Variants in GABBR1 observed in about 807,000 individuals in gnomAD.
GABBR1 encodes GABA-B receptor, R1 subunit.
A neutral mutation model predicts 117.7 loss-of-function variants in GABBR1; 35 were observed. The observed-to-expected ratio is 0.30, with a 90% CI of 0.23 to 0.39. GABBR1 has a LOEUF of 0.39. Ranked by LOEUF, GABBR1 falls within the 10% of genes least tolerant of loss-of-function variation. The probability of loss-of-function intolerance (pLI) is 1.00; values close to 1 mark genes in which losing one functional copy is unlikely to be tolerated. For synonymous variants in GABBR1, 442 were observed against 486.6 expected, an observed-to-expected ratio of 0.91 and a Z score of 1.21; for missense variants, 709 against 1,241.8, an observed-to-expected ratio of 0.57 and a Z score of 6.45.
chr6:29,622,449 C>T lies in GABBR1; in HGVS notation c.964-244G>A, dbSNP rs917440794. On this transcript the variant is annotated intron_variant, in intron 8 of 22. Transcript: ENST00000377034. The surrounding 1 kb of genome is among the most constrained non-coding windows in gnomAD (Gnocchi z 4.6). ...CTGCTGAGGCTCTGTGTGGGGGAAGCCACTCCATTCACCCACTCCTACCAC... is the reference window on the plus strand; with the variant it reads ...CTGCTGAGGCTCTGTGTGGGGGAAGTCACTCCATTCACCCACTCCTACCAC... 1.6e-4 allele frequency: 85 copies of T among 528,272 alleles called. No homozygotes were observed. Among genetic ancestry groups the T allele is most frequent in the African/African-American group, 1.4e-3 (73 of 52,996 alleles). The allele number at this position is 528,272 out of a possible 1,614,324, so 32.7% of individuals were successfully genotyped here.
In GABBR1 at chr6:29,627,639, G is replaced by T. The variant is rs1049475813; in HGVS notation, c.504C>A (p.Arg168=). 19 of 1,551,780 alleles carry T rather than the reference G, an allele frequency of 1.2e-5. No homozygotes were observed. The highest frequency in any genetic ancestry group is 1.6e-5 in the Non-Finnish European group (19 of 1,152,640). The change falls in exon 6 of 23, where the codon CGC becomes CGA. Residue 168 remains arginine, a synonymous_variant. Transcript: ENST00000377034. The surrounding 1 kb of genome is among the most constrained non-coding windows in gnomAD (Gnocchi z 4.4). ...QVNRTPHSER[R]AVYIGALFPM... Reference sequence around the variant, plus strand: ...GAAACAGTGCCCCGATGTACACTGCGCGCCGTTCTGAGGAGGGGTGCGGGG... The same window carrying T: ...GAAACAGTGCCCCGATGTACACTGCTCGCCGTTCTGAGGAGGGGTGCGGGG...
At position 29,607,936 on chromosome 6, in the gene GABBR1, C is replaced by CTGCATG. The variant is rs1463811430; in HGVS notation, c.1992+659_1992+664dup. Among the ~76,000 whole-genome samples the CTGCATG allele has an allele frequency of 6.6e-6, 1 of 152,244 alleles. No individual in the cohort carries two copies. Among genetic ancestry groups the CTGCATG allele is most frequent in the African/African-American group, 2.4e-5 (1 of 41,476 alleles). On this transcript the variant is annotated intron_variant, in intron 16 of 22. Transcript: ENST00000377034. The surrounding 1 kb of genome is among the most constrained non-coding windows in gnomAD (Gnocchi z 5.0). ...CTGGGAACAGAGGATTCCTGATGAA[C>CTGCATG]TGCATGTGCATGTGCATGGAAATGC...
At position 29,613,313 on chromosome 6, in the gene GABBR1, T is replaced by C. The variant is rs777984483; in HGVS notation, c.1496A>G (p.Asn499Ser). 1 of 1,613,094 alleles carries C rather than the reference T, an allele frequency of 6.2e-7. No homozygotes were observed. Among genetic ancestry groups the C allele is most frequent in the Non-Finnish European group, 8.5e-7 (1 of 1,180,016 alleles). ...GRSGVRLEDF[N>S]YNNQTITDQI... is the part of the protein sequence containing the mutation. ...GTCGGTAATGGTCTGGTTGTTGTAGTTGAAGTCCTCCAGGCGCACACCAGA... is the reference window on the plus strand; with the variant it reads ...GTCGGTAATGGTCTGGTTGTTGTAGCTGAAGTCCTCCAGGCGCACACCAGA... Residue 499 changes from asparagine to serine, a missense_variant, in exon 12 of 23, where the codon AAC (asparagine) becomes AGC (serine). Asn to Ser is a conservative substitution (Grantham distance 46, BLOSUM62 1). Coordinates refer to ENST00000377034, the MANE Select transcript of GABBR1 (RefSeq NM_001470.4). The surrounding 1 kb of genome is among the most constrained non-coding windows in gnomAD (Gnocchi z 4.1).
chr6:29,626,626 G>C (rs1339682503), intron 6 of GABBR1, among the ~76,000 whole-genome samples: 2 of 151,780 alleles, frequency 1.3e-5, no homozygotes, highest in Non-Finnish European at 2.9e-5. Context: ...TCACATCCTA[G>C]AGGCCACAAT....
chr6:29,629,280 AG>A, intron 4 of GABBR1, 173 bp from the exon 5 acceptor site: 2 of 733,694 alleles, frequency 2.7e-6, no homozygotes, highest in South Asian at 2.9e-5. Flanking sequence ...TCTGGGGGTA[AG>A]GGGGTCAGGA....
rs187069384 is a variant in GABBR1 at position 29,613,765 on chromosome 6, G to T, written c.1324-280C>A. ...ACAGAGAATTTTGACAAACACTCTGGATAATTAGTGGCAAAGGATGGAAGG... is the reference window on the plus strand; with the variant it reads ...ACAGAGAATTTTGACAAACACTCTGTATAATTAGTGGCAAAGGATGGAAGG... On this transcript the variant is annotated intron_variant, in intron 11 of 22. Transcript: ENST00000377034. This position sits in a 1 kb window ranked among gnomAD's most constrained non-coding sequence, Gnocchi z 4.1. Among the ~76,000 whole-genome samples, 52 of 152,330 alleles carry T rather than the reference G, an allele frequency of 3.4e-4. No homozygotes were observed. The highest frequency in any genetic ancestry group is 1.2e-3 in the African/African-American group (49 of 41,566).
In GABBR1 at chr6:29,631,235, C is replaced by G. The variant is rs950874862; in HGVS notation, c.289+161G>C. Among the ~76,000 whole-genome samples, 1 of 152,204 alleles carries G rather than the reference C, an allele frequency of 6.6e-6. No individual in the cohort carries two copies. Among genetic ancestry groups the G allele is most frequent in the Non-Finnish European group, 1.5e-5 (1 of 68,038 alleles). On this transcript the variant is annotated intron_variant, in intron 3 of 22. Coordinates refer to ENST00000377034, the MANE Select transcript of GABBR1 (RefSeq NM_001470.4). This position sits in a 1 kb window ranked among gnomAD's most constrained non-coding sequence, Gnocchi z 5.9. ...GGCTGCTAGCTCTACTACCTCCAAC[C>G]GCACAGAGCAAAATTGCTCTTATGT...
At chr6:29,617,589 C>T (rs1244824721) in intron 11 of GABBR1, among the ~76,000 whole-genome samples, 1 of 152,086 alleles carries the variant, frequency 6.6e-6, no homozygotes, top group African/African-American at 2.4e-5. Context: ...CGTGAGCCAC[C>T]GCGCCCAGCC....
rs1186428201 is a variant in GABBR1 at position 29,631,606 on chromosome 6, G to A, written c.86-7C>T. The A allele has an allele frequency of 1.2e-6, 2 of 1,613,598 alleles. No homozygotes were observed. The highest frequency in any genetic ancestry group is 1.7e-6 in the Non-Finnish European group (2 of 1,179,524). On this transcript the variant is annotated splice_polypyrimidine_tract_variant and splice_region_variant and intron_variant, in intron 2 of 22. Coordinates refer to ENST00000377034, the MANE Select transcript of GABBR1 (RefSeq NM_001470.4). This position sits in a 1 kb window ranked among gnomAD's most constrained non-coding sequence, Gnocchi z 5.9. ...GGGTGTATGATCTGGCAACCTAAGG[G>A]GTGAGTCGGGGAGGCATACAGAGAG...
chr6:29,621,494 C>G lies in GABBR1; in HGVS notation c.1132-202G>C, dbSNP rs1249925416. On this transcript the variant is annotated intron_variant, in intron 10 of 22. Coordinates refer to ENST00000377034, the MANE Select transcript of GABBR1 (RefSeq NM_001470.4). This position sits in a 1 kb window ranked among gnomAD's most constrained non-coding sequence, Gnocchi z 5.0. ...CCCCAGCCCCTGTATTTCTGAGTGG[C>G]CTTTTCCAGCCAGTCAGGACAGATG... Among the ~76,000 whole-genome samples the G allele has an allele frequency of 6.6e-6, 1 of 152,144 alleles. No individual in the cohort carries two copies. Among genetic ancestry groups the G allele is most frequent in the Non-Finnish European group, 1.5e-5 (1 of 68,012 alleles).
rs75010677 is a variant in GABBR1 at position 29,613,646 on chromosome 6, T to C, written c.1324-161A>G. On this transcript the variant is annotated intron_variant, in intron 11 of 22. Coordinates refer to ENST00000377034, the MANE Select transcript of GABBR1 (RefSeq NM_001470.4). This position sits in a 1 kb window ranked among gnomAD's most constrained non-coding sequence, Gnocchi z 4.1. ...CATTCAAAATCTTTAACTATACCCA[T>C]GTGTCTGCCTTAGATCGGAAGCTAC... Among the ~76,000 whole-genome samples, 1 of 152,238 alleles carries C rather than the reference T, an allele frequency of 6.6e-6. No homozygotes were observed. The highest frequency in any genetic ancestry group is 1.5e-5 in the Non-Finnish European group (1 of 68,042).
In GABBR1 at chr6:29,632,804, C is replaced by T; in HGVS notation, c.-1+46G>A. 1 of 708,042 alleles carries T rather than the reference C, an allele frequency of 1.4e-6. No homozygotes were observed. Among genetic ancestry groups the T allele is most frequent in the Non-Finnish European group, 1.9e-6 (1 of 530,718 alleles). 43.9% of individuals were successfully genotyped at this position (708,042 alleles called of 1,614,324 possible). A position where few individuals can be genotyped will look rare whatever the true frequency, so the allele number is the denominator to read the frequency against. On this transcript the variant is annotated intron_variant, in intron 1 of 22. Coordinates refer to ENST00000377034, the MANE Select transcript of GABBR1 (RefSeq NM_001470.4). The surrounding 1 kb of genome is among the most constrained non-coding windows in gnomAD (Gnocchi z 5.8). ...CACTGCCCCCTCCCCCACCACGCCG[C>T]GCGCCCCCTCTCCGAGCCCTGCTAA...
intron 6 of GABBR1, among the ~76,000 whole-genome samples, chr6:29,626,473 ACCC>A (rs1000627365): frequency 6.6e-6 from 1 of 151,504 alleles, no homozygotes; most frequent in African/African-American, 2.4e-5. Flanking sequence ...CCTTCCCTGC[ACCC>A]CCAATTATTC....
chr6:29,612,779 C>A (rs1173394172), intron 12 of GABBR1, among the ~76,000 whole-genome samples, 165 bp from the exon 13 acceptor site: 3 of 152,130 alleles, frequency 2.0e-5, no homozygotes, highest in Non-Finnish European at 4.4e-5. Context: ...ATGCCCATAC[C>A]CTAGATTTTA....
At chr6:29,617,611 T>C (rs1245260292) in intron 11 of GABBR1, among the ~76,000 whole-genome samples, 2 of 152,234 alleles carry the variant, frequency 1.3e-5, no homozygotes, top group Admixed American at 6.5e-5. Context: ...CAAGTCCATA[T>C]TTCTAACTGA....
rs1761462922 is a variant in GABBR1 at position 29,602,475 on chromosome 6, G to A, written c.*1068C>T. The A allele has an allele frequency of 1.3e-5, 2 of 156,874 alleles. No homozygotes were observed. The highest frequency in any genetic ancestry group is 6.8e-3 in the Middle Eastern group (2 of 294). The allele number at this position is 156,874 out of a possible 1,614,324, so 9.7% of individuals were successfully genotyped here. A position where few individuals can be genotyped will look rare whatever the true frequency, so the allele number is the denominator to read the frequency against. The stretch of plus-strand genomic sequence containing the variant: ...ACAAAACAAAAGGGAGCAGTCTTGG[G>A]AGAAGATGATTGTGAGTGTAGACTG... On this transcript the variant is annotated 3_prime_UTR_variant, in exon 23 of 23. Coordinates refer to ENST00000377034, the MANE Select transcript of GABBR1 (RefSeq NM_001470.4).
Position 29,603,610 on chromosome 6 carries a change from C to A in GABBR1, c.2819G>T (p.Arg940Met). 2 of 1,574,706 alleles carry A rather than the reference C, an allele frequency of 1.3e-6. No individual in the cohort carries two copies. Among genetic ancestry groups the A allele is most frequent in the East Asian group, 2.2e-5 (1 of 44,510 alleles). ...CCGGTCGGGGGGCTCAGGGGGTCCC[C>A]TGGGCAGGCCCCCAGAGGGTTCTGG... ...TPPEPSGGLP[R>M]GPPEPPDRLS... Residue 940 changes from arginine to methionine, a missense_variant, in exon 23 of 23, where the codon AGG (arginine) becomes ATG (methionine). This residue lies in a region of GABBR1 where 69 missense variants were observed against 64.3 expected (regional missense o/e 1.07). Coordinates refer to ENST00000377034, the MANE Select transcript of GABBR1 (RefSeq NM_001470.4).
intron 11 of GABBR1, among the ~76,000 whole-genome samples, chr6:29,616,094 C>T (rs541245515): frequency 6.6e-6 from 1 of 151,808 alleles, no homozygotes; most frequent in African/African-American, 2.4e-5. Context: ...CCAGCTACTC[C>T]GGAGGCTGAG....
Position 29,606,325 on chromosome 6 carries a change from C to G in GABBR1, c.2311+66G>C, listed in dbSNP as rs1017297915. Reference sequence around the variant, plus strand: ...TCCAAAGACCCCTCTCCCTCCAAGCCCTCTACCCCTGCCTTCCCTCCTGCC... The same window carrying G: ...TCCAAAGACCCCTCTCCCTCCAAGCGCTCTACCCCTGCCTTCCCTCCTGCC... On this transcript the variant is annotated intron_variant, in intron 19 of 22. Transcript: ENST00000377034. The surrounding 1 kb of genome is among the most constrained non-coding windows in gnomAD (Gnocchi z 4.5). 38 of 1,167,548 alleles carry G rather than the reference C, an allele frequency of 3.3e-5. No individual in the cohort carries two copies. The African/African-American group carries it at 5.3e-4, about 16-fold the overall frequency. 72.3% of individuals were successfully genotyped at this position (1,167,548 alleles called of 1,614,324 possible). A position where few individuals can be genotyped will look rare whatever the true frequency, so the allele number is the denominator to read the frequency against.
Sources: gnomAD v4.1 joint callset for allele counts (sites outside exome capture counted in the v4.1 genomes callset) on GRCh38, gnomAD v4.1.1 for gene constraint, gnomAD v4.1.1 regional missense constraint, Gnocchi (gnomAD v3.1) non-coding constraint, MANE v1.5 for transcripts, NCBI Gene and HGNC (gene_info 2026-07-23, HGNC 2026-07-21) for gene names.